Variants in FMO1 observed in about 807,000 individuals in gnomAD.
FMO1 encodes the protein flavin containing dimethylaniline monoxygenase 1.
Under a neutral mutation model 45.4 loss-of-function variants are expected in FMO1, and 36 were observed. The observed-to-expected ratio is 0.79, with a 90% CI of 0.61 to 1.05. The LOEUF is 1.05. FMO1 is among the 50% of genes least tolerant of loss of function. The pLI, the probability that FMO1 is intolerant of heterozygous loss-of-function variation, is 0.00. For synonymous variants in FMO1, 228 were observed against 227.2 expected (o/e 1.00, Z -0.03); for missense variants, 615 against 640.3 (o/e 0.96, Z 0.43).
At chr1:171,265,684 A>G (rs1660590095) in intron 2 of FMO1, among the ~76,000 whole-genome samples, 1 of 151,976 alleles carries the variant, frequency 6.6e-6, no homozygotes, top group Non-Finnish European at 1.5e-5. Context: ...CTCCATGTTA[A>G]ACACTCGTAG....
In FMO1 at chr1:171,269,655, T is replaced by C. The variant is rs191565424; in HGVS notation, c.321+1924T>C. On this transcript the variant is annotated intron_variant, in intron 3 of 8. Transcript: ENST00000617670. ...CTGGCATCTTAAGAAAACGATAATC[T>C]TGAAAATCACAAAATTGCCAAATTG... 1.4e-3 allele frequency among the ~76,000 whole-genome samples: 212 copies of C among 152,300 alleles called. 1 individual carries two copies. The highest frequency in any genetic ancestry group is 4.8e-3 in the African/African-American group (199 of 41,562).
intron 1 of FMO1, among the ~76,000 whole-genome samples, chr1:171,255,295 T>C (rs929281892): frequency 1.3e-5 from 2 of 152,212 alleles, no homozygotes; most frequent in Non-Finnish European, 2.9e-5. Context: ...TTTCTCTCCA[T>C]GTTGATCCTT....
At position 171,285,197 on chromosome 1, in the gene FMO1, T is replaced by C. The variant is rs773551954; in HGVS notation, c.1257-5T>C. ...ACCTTTTCCCCCAATCTTCCTTTTA[T>C]AAAGGTTTGGCTTGTGCTACTGCAA... On this transcript the variant is annotated splice_polypyrimidine_tract_variant and splice_region_variant and intron_variant, in intron 8 of 8. Coordinates refer to ENST00000617670, the MANE Select transcript of FMO1 (RefSeq NM_001282693.2). The C allele has an allele frequency of 1.3e-6, 2 of 1,539,158 alleles. No homozygotes were observed. The highest frequency in any genetic ancestry group is 1.7e-4 in the Middle Eastern group (1 of 5,756).
intron 2 of FMO1, among the ~76,000 whole-genome samples, chr1:171,264,013 T>C (rs1347541160): frequency 6.6e-6 from 1 of 152,094 alleles, no homozygotes; most frequent in East Asian, 1.9e-4. Flanking sequence ...CAAGAGTAAG[T>C]ATTGGTCTTA....
At chr1:171,256,610 C>T in intron 1 of FMO1, among the ~76,000 whole-genome samples, 1 of 151,894 alleles carries the variant, frequency 6.6e-6, no homozygotes, top group East Asian at 1.9e-4. Flanking sequence ...AGCAACCAGC[C>T]CTGCAACACT....
At chr1:171,278,896 A>G in intron 5 of FMO1, 25 bp downstream of exon 5, 1 of 1,569,472 alleles carries the variant, frequency 6.4e-7, no homozygotes, top group Non-Finnish European at 8.7e-7. Flanking sequence ...TTACTGGGTG[A>G]AGAGCTTTAT....
chr1:171,255,536 G>C (rs1660110018), intron 1 of FMO1, among the ~76,000 whole-genome samples: 1 of 152,148 alleles, frequency 6.6e-6, no homozygotes, highest in African/African-American at 2.4e-5. Context: ...TCAGCAGTGG[G>C]TACCTGAAAC....
intron 2 of FMO1, among the ~76,000 whole-genome samples, chr1:171,260,462 C>A (rs1296848952): frequency 6.6e-6 from 1 of 151,946 alleles, no homozygotes; most frequent in Non-Finnish European, 1.5e-5. Context: ...AAGAGATACA[C>A]CCTCCCCAGA....
intron 1 of FMO1, among the ~76,000 whole-genome samples, chr1:171,254,667 T>G (rs1660071213): frequency 6.6e-6 from 1 of 152,148 alleles, no homozygotes; most frequent in Non-Finnish European, 1.5e-5. Flanking sequence ...AAGGCAAGCT[T>G]ACTGTGGGGT....
At chr1:171,269,164 A>G (rs1660744753) in intron 3 of FMO1, among the ~76,000 whole-genome samples, 1 of 152,204 alleles carries the variant, frequency 6.6e-6, no homozygotes, top group Non-Finnish European at 1.5e-5. Flanking sequence ...ATGAAAATCA[A>G]TACAGTAAAT....
At chr1:171,267,799 C>G (rs1660679964) in intron 3 of FMO1, 68 bp downstream of exon 3, 1 of 1,262,600 alleles carries the variant, frequency 7.9e-7, no homozygotes, top group East Asian at 2.3e-5. Context: ...TCTCTCCAGC[C>G]TAGCCCTGGG....
intron 2 of FMO1, among the ~76,000 whole-genome samples, chr1:171,262,999 A>C (rs1660439303): frequency 6.6e-6 from 1 of 152,210 alleles, no homozygotes; most frequent in Non-Finnish European, 1.5e-5. Flanking sequence ...AATGTTGTGC[A>C]TATAGAGAGA....
At position 171,256,744 on chromosome 1, in the gene FMO1, A is replaced by C. The variant is rs1571328250; in HGVS notation, c.-6-1338A>C. On this transcript the variant is annotated intron_variant, in intron 1 of 8. Coordinates refer to ENST00000617670, the MANE Select transcript of FMO1 (RefSeq NM_001282693.2). Reference sequence around the variant, plus strand: ...TCTCTACAGTTGAGCTGCTTCTCTCAGGTTCCTAATCCAAAACAAAAAAAG... The same window carrying C: ...TCTCTACAGTTGAGCTGCTTCTCTCCGGTTCCTAATCCAAAACAAAAAAAG... 2.6e-5 allele frequency among the ~76,000 whole-genome samples: 4 copies of C among 152,308 alleles called. No individual in the cohort carries two copies. The East Asian group carries it at 7.7e-4, about 29-fold the overall frequency.
intron 3 of FMO1, among the ~76,000 whole-genome samples, chr1:171,269,359 T>C (rs1304211049): frequency 3.9e-5 from 6 of 152,128 alleles, no homozygotes; most frequent in Non-Finnish European, 5.9e-5. Context: ...GATAGTGATA[T>C]GAACAATAAA....
chr1:171,249,240 A>T (rs1356594148), intron 1 of FMO1, among the ~76,000 whole-genome samples: 1 of 152,130 alleles, frequency 6.6e-6, no homozygotes, highest in Admixed American at 6.5e-5. Context: ...AATTCACAAG[A>T]TCATAAACAT....
At chr1:171,268,818 A>C (rs1408460514) in intron 3 of FMO1, among the ~76,000 whole-genome samples, 3 of 152,206 alleles carry the variant, frequency 2.0e-5, no homozygotes, top group African/African-American at 7.2e-5. Context: ...AAGTCCTCTG[A>C]TATGGTTTGG....
chr1:171,257,581 G>A (rs28384856), intron 1 of FMO1, among the ~76,000 whole-genome samples: 2,180 of 152,288 alleles, frequency 0.014, 21 homozygotes, highest in African/African-American at 0.024. Flanking sequence ...CACCCGTGGT[G>A]CCACAGGTGT....
At chr1:171,284,728 TAAA>T (rs36009487) in intron 8 of FMO1, among the ~76,000 whole-genome samples, 12 of 106,862 alleles carry the variant, frequency 1.1e-4, no homozygotes, top group African/African-American at 2.8e-4. Flanking sequence ...CAAGACCTTG[TAAA>T]AAAAAAAAAA....
chr1:171,250,634 A>G (rs1659842703), intron 1 of FMO1, among the ~76,000 whole-genome samples: 1 of 152,240 alleles, frequency 6.6e-6, no homozygotes, highest in African/African-American at 2.4e-5. Flanking sequence ...CTAACCCTGT[A>G]GTTAAAAATC....
Sources: allele counts gnomAD v4.1 joint callset (sites outside exome capture counted in the v4.1 genomes callset), GRCh38; gene constraint gnomAD v4.1.1; transcripts MANE v1.5; gene names NCBI Gene and HGNC (gene_info 2026-07-23, HGNC 2026-07-21).